ZNF12: variants seen among roughly 807,000 people sequenced by gnomAD.
ZNF12 encodes zinc finger protein 12, also known as gonadotropin inducible transcription repressor 3.
In ZNF12, 34 loss-of-function variants were observed where a neutral mutation model predicts 66.6. The ratio of observed to expected loss-of-function variants is 0.51; its 90% CI spans 0.39 to 0.68. The LOEUF (loss-of-function observed/expected upper bound fraction) is 0.68, where lower values mean the gene tolerates loss of function less well. ZNF12 is among the 30% of genes least tolerant of loss of function. ZNF12 has a pLI of 0.00. For synonymous variants in ZNF12, 320 were observed against 278.9 expected (o/e 1.15, Z -1.47); for missense variants, 697 against 826.9 (o/e 0.84, Z 1.93).
At chr7:6,699,459 G>A (rs571620861) in intron 2 of ZNF12, among the ~76,000 whole-genome samples, 1 of 152,198 alleles carries the variant, frequency 6.6e-6, no homozygotes, top group African/African-American at 2.4e-5. Context: ...TGGGACACAC[G>A]GTGGGGAAAG....
chr7:6,703,847 G>C (rs1409218252), intron 2 of ZNF12, among the ~76,000 whole-genome samples: 1 of 152,234 alleles, frequency 6.6e-6, no homozygotes. Flanking sequence ...ACTGCAGAGT[G>C]GGCCAAGGCA....
rs1305243188 is a variant in ZNF12 at position 6,690,796 on chromosome 7, T to C, written c.*52A>G. The C allele has an allele frequency of 2.8e-5, 42 of 1,495,598 alleles. No individual in the cohort carries two copies. The highest frequency in any genetic ancestry group is 3.6e-5 in the Non-Finnish European group (40 of 1,122,180). 92.6% of individuals were successfully genotyped at this position (1,495,598 alleles called of 1,614,324 possible). A position where few individuals can be genotyped will look rare whatever the true frequency, so the allele number is the denominator to read the frequency against. On this transcript the variant is annotated 3_prime_UTR_variant, in exon 5 of 5. Coordinates refer to ENST00000405858, the MANE Select transcript of ZNF12 (RefSeq NM_016265.4). ...CAAGGTGTTTGACTTCAGGCAGGAGTTTCTGATTCACTATACTGAAAGGGT... is the reference window on the plus strand; with the variant it reads ...CAAGGTGTTTGACTTCAGGCAGGAGCTTCTGATTCACTATACTGAAAGGGT...
Position 6,691,210 on chromosome 7 carries a change from C to T in ZNF12, c.1732G>A (p.Glu578Lys), listed in dbSNP as rs1315745592. Reference sequence around the variant, plus strand: ...AAGGTTTTCCCACATTCACTACATTCATAGGGCTTCTCTCCTGAATGAATT... The same window carrying T: ...AAGGTTTTCCCACATTCACTACATTTATAGGGCTTCTCTCCTGAATGAATT... Reference protein sequence around the residue: ...HRIHSGEKPYECSECGKTFCQ... With the variant: ...HRIHSGEKPYKCSECGKTFCQ... The change falls in exon 5 of 5, where the codon GAA (glutamate) becomes AAA (lysine). Residue 578 changes from glutamate to lysine, a missense_variant. Transcript: ENST00000405858. 2 of 1,614,042 alleles carry T rather than the reference C, an allele frequency of 1.2e-6. No individual in the cohort carries two copies. Among genetic ancestry groups the T allele is most frequent in the Admixed American group, 1.7e-5 (1 of 60,010 alleles).
In ZNF12 at chr7:6,691,261, T is replaced by A. The variant is rs748263300; in HGVS notation, c.1681A>T (p.Met561Leu). The change falls in exon 5 of 5, where the codon ATG becomes TTG. Residue 561 changes from methionine to leucine, a missense_variant. Physicochemically the swap from Met to Leu is conservative, Grantham distance 15. This residue lies in a region of ZNF12 where 401 missense variants were observed against 519.0 expected (regional missense o/e 0.77). Coordinates refer to ENST00000405858, the MANE Select transcript of ZNF12 (RefSeq NM_016265.4). ...CTATGATGTATAGTGAGGTATGACATCTGAGAGAAGAATTTTCCACATATA... is the reference window on the plus strand; with the variant it reads ...CTATGATGTATAGTGAGGTATGACAACTGAGAGAAGAATTTTCCACATATA... ...CYICGKFFSQMSYLTIHHRIH... is the reference protein window; with the variant it reads ...CYICGKFFSQLSYLTIHHRIH... 3 of 1,613,918 alleles carry A rather than the reference T, an allele frequency of 1.9e-6. No individual in the cohort carries two copies. The South Asian group carries it at 3.3e-5, about 18-fold the overall frequency.
chr7:6,699,417 G>GGTA (rs1338783644), intron 2 of ZNF12, among the ~76,000 whole-genome samples: 6 of 152,194 alleles, frequency 3.9e-5, no homozygotes, highest in Non-Finnish European at 8.8e-5. Context: ...GAAGGATGAG[G>GGTA]GTAATCAGGG....
rs1445264390 is a variant in ZNF12 at position 6,706,580 on chromosome 7, G to T, written c.-199C>A. 2 of 460,178 alleles carry T rather than the reference G, an allele frequency of 4.3e-6. No individual in the cohort carries two copies. The highest frequency in any genetic ancestry group is 8.7e-6 in the Non-Finnish European group (2 of 230,358). The allele number at this position is 460,178 out of a possible 1,614,324, so 28.5% of individuals were successfully genotyped here. ...AGAGGGGCCCGGGCCGGGCCTACGG[G>T]ACAAATCCAGGCGGGGCGTCCCTCC... On this transcript the variant is annotated 5_prime_UTR_variant, in exon 1 of 5. Transcript: ENST00000405858.
At position 6,689,143 on chromosome 7, in the gene ZNF12, A is replaced by G. The variant is rs192337626; in HGVS notation, c.*1705T>C. 6.6e-6 allele frequency: 1 copy of G among 152,360 alleles called. No individual in the cohort carries two copies. Among genetic ancestry groups the G allele is most frequent in the East Asian group, 1.9e-4 (1 of 5,186 alleles). 9.4% of individuals were successfully genotyped at this position (152,360 alleles called of 1,614,324 possible). A position where few individuals can be genotyped will look rare whatever the true frequency, so the allele number is the denominator to read the frequency against. ...ATTAGTAATAGAGCATCCTAAATCA[A>G]CTGGCTTAAAAATAAGTTTAGTCTC... On this transcript the variant is annotated 3_prime_UTR_variant, in exon 5 of 5. Coordinates refer to ENST00000405858, the MANE Select transcript of ZNF12 (RefSeq NM_016265.4).
At chr7:6,704,333 G>T (rs1780311361) in intron 2 of ZNF12, 1 of 149,134 alleles carries the variant, frequency 6.7e-6, no homozygotes, top group Non-Finnish European at 1.5e-5. Flanking sequence ...AAAAAGAAAA[G>T]AAAATATTTA....
chr7:6,697,302 C>T lies in ZNF12; in HGVS notation c.238+37G>A. The T allele has an allele frequency of 1.3e-6, 2 of 1,525,158 alleles. No individual in the cohort carries two copies. Among genetic ancestry groups the T allele is most frequent in the Non-Finnish European group, 1.8e-6 (2 of 1,116,754 alleles). 94.5% of individuals were successfully genotyped at this position (1,525,158 alleles called of 1,614,324 possible). A position where few individuals can be genotyped will look rare whatever the true frequency, so the allele number is the denominator to read the frequency against. ...AAAAAATCCCTGGGAAAAACACTCC[C>T]AAGTTACCGATCTCCTCACTGCCTC... On this transcript the variant is annotated intron_variant, in intron 4 of 4. Coordinates refer to ENST00000405858, the MANE Select transcript of ZNF12 (RefSeq NM_016265.4). This position sits in a 1 kb window ranked among gnomAD's most constrained non-coding sequence, Gnocchi z 6.1.
rs1229877433 is a variant in ZNF12, at chr7:6,692,882, C to A, written c.239-179G>T. Among the ~76,000 whole-genome samples, 1 of 149,340 alleles carries A rather than the reference C, an allele frequency of 6.7e-6. No individual in the cohort carries two copies. The highest frequency in any genetic ancestry group is 2.1e-4 in the East Asian group (1 of 4,794). The stretch of plus-strand genomic sequence containing the variant: ...ATGCTTTTGCTTAAAATTACACACA[C>A]ACAAACACACACACACACACACATC... On this transcript the variant is annotated intron_variant, in intron 4 of 4. Coordinates refer to ENST00000405858, the MANE Select transcript of ZNF12 (RefSeq NM_016265.4). The surrounding 1 kb of genome is among the most constrained non-coding windows in gnomAD (Gnocchi z 5.1).
chr7:6,706,129 C>G (rs189838044), intron 1 of ZNF12, among the ~76,000 whole-genome samples: 38 of 152,308 alleles, frequency 2.5e-4, no homozygotes, highest in Admixed American at 1.5e-3. Flanking sequence ...AAGGGGGAAT[C>G]AGCACTTAAA....
intron 2 of ZNF12, among the ~76,000 whole-genome samples, chr7:6,703,373 A>G (rs1207831661): frequency 2.6e-5 from 4 of 152,204 alleles, no homozygotes; most frequent in African/African-American, 9.7e-5. Context: ...AGAGGCCAAA[A>G]AATAAGCTAT....
In ZNF12 at chr7:6,692,743, C is replaced by CTA. The variant is rs746324807; in HGVS notation, c.239-42_239-41dup. ...AATTAATAAACTTTTGTACATCTTC[C>CTA]TATATATATATGATATGGAATGAGA... is the stretch of plus-strand genomic sequence containing the variant. On this transcript the variant is annotated intron_variant, in intron 4 of 4. Coordinates refer to ENST00000405858, the MANE Select transcript of ZNF12 (RefSeq NM_016265.4). The surrounding 1 kb of genome is among the most constrained non-coding windows in gnomAD (Gnocchi z 5.1). 31 of 1,503,014 alleles carry CTA rather than the reference C, an allele frequency of 2.1e-5. No homozygotes were observed. The highest frequency in any genetic ancestry group is 7.0e-5 in the African/African-American group (5 of 71,174). 93.1% of individuals were successfully genotyped at this position (1,503,014 alleles called of 1,614,324 possible). A position where few individuals can be genotyped will look rare whatever the true frequency, so the allele number is the denominator to read the frequency against.
Position 6,706,541 on chromosome 7 carries a change from G to C in ZNF12, c.-160C>G. 2.1e-6 allele frequency: 1 copy of C among 471,508 alleles called. No individual in the cohort carries two copies. The highest frequency in any genetic ancestry group is 4.2e-6 in the Non-Finnish European group (1 of 236,958). 29.2% of individuals were successfully genotyped at this position (471,508 alleles called of 1,614,324 possible). On this transcript the variant is annotated 5_prime_UTR_variant, in exon 1 of 5. Coordinates refer to ENST00000405858, the MANE Select transcript of ZNF12 (RefSeq NM_016265.4). ...GGTCCCTTCCTGTCCACCTCACCAA[G>C]GCCGTTCTGCTCCAGAGGGGCCCGG...
At position 6,706,872 on chromosome 7, in the gene ZNF12, T is replaced by A. The variant is rs1448956685; in HGVS notation, c.-491A>T. On this transcript the variant is annotated 5_prime_UTR_variant, in exon 1 of 5. Coordinates refer to ENST00000405858, the MANE Select transcript of ZNF12 (RefSeq NM_016265.4). ...GCGCCCAGCCCCGCAGGCTCCGCGA[T>A]TCTCGCCCACCGGAGGCCAAAGCCT... is the stretch of plus-strand genomic sequence containing the variant. 1 of 402,000 alleles carries A rather than the reference T, an allele frequency of 2.5e-6. No individual in the cohort carries two copies. The highest frequency in any genetic ancestry group is 4.9e-6 in the Non-Finnish European group (1 of 203,828). The allele number at this position is 402,000 out of a possible 1,614,324, so 24.9% of individuals were successfully genotyped here. A position where few individuals can be genotyped will look rare whatever the true frequency, so the allele number is the denominator to read the frequency against.
At position 6,705,605 on chromosome 7, in the gene ZNF12, G is replaced by A. The variant is rs1342959529; in HGVS notation, c.-50-382C>T. On this transcript the variant is annotated intron_variant, in intron 1 of 4. Coordinates refer to ENST00000405858, the MANE Select transcript of ZNF12 (RefSeq NM_016265.4). The surrounding 1 kb of genome is among the most constrained non-coding windows in gnomAD (Gnocchi z 4.0). ...GTGGTGGCGGGCGCCTGTAACCCCAGCTACTCGGGAGGCTGAGGCAGGAGA... is the reference window on the plus strand; with the variant it reads ...GTGGTGGCGGGCGCCTGTAACCCCAACTACTCGGGAGGCTGAGGCAGGAGA... Among the ~76,000 whole-genome samples the A allele has an allele frequency of 2.6e-5, 4 of 152,156 alleles. No individual in the cohort carries two copies. Among genetic ancestry groups the A allele is most frequent in the Non-Finnish European group, 4.4e-5 (3 of 68,040 alleles).
chr7:6,692,408 A>C lies in ZNF12; in HGVS notation c.534T>G (p.Ile178Met), dbSNP rs759047171. ...CSGCGKSLLH[I>M]KLEKTHPGDQ... ...CTCCTGGATGAGTTTTCTCAAGCTT[A>C]ATATGGAGGAGTGATTTCCCACATC... Residue 178 changes from isoleucine (I) to methionine (M), a missense_variant, in exon 5 of 5, where the codon ATT becomes ATG. By Grantham distance (10) the Ile-to-Met change is conservative (BLOSUM62 1). Coordinates refer to ENST00000405858, the MANE Select transcript of ZNF12 (RefSeq NM_016265.4). This position sits in a 1 kb window ranked among gnomAD's most constrained non-coding sequence, Gnocchi z 5.1. The C allele has an allele frequency of 3.1e-6, 5 of 1,613,176 alleles. No individual in the cohort carries two copies. In the South Asian group the frequency reaches 3.3e-5, roughly 11 times the overall value.
intron 2 of ZNF12, among the ~76,000 whole-genome samples, chr7:6,703,317 T>G (rs1255703646): frequency 6.6e-6 from 1 of 152,084 alleles, no homozygotes; most frequent in Non-Finnish European, 1.5e-5. Context: ...TGCCTGGGCT[T>G]GTGGAGGAAA....
In ZNF12 at chr7:6,706,643, G is replaced by C; in HGVS notation, c.-262C>G. The stretch of plus-strand genomic sequence containing the variant: ...CCGTCTCCCTGGGGCTCACCGTCCT[G>C]CGGAGCCGGGGCCGGGCCGTCGAGG... On this transcript the variant is annotated 5_prime_UTR_variant, in exon 1 of 5. Transcript: ENST00000405858. 1 of 401,316 alleles carries C rather than the reference G, an allele frequency of 2.5e-6. No homozygotes were observed. The highest frequency in any genetic ancestry group is 1.7e-5 in the South Asian group (1 of 57,546). The allele number at this position is 401,316 out of a possible 1,614,324, so 24.9% of individuals were successfully genotyped here.
Sources: gnomAD v4.1 joint callset for allele counts (sites outside exome capture counted in the v4.1 genomes callset) on GRCh38, gnomAD v4.1.1 for gene constraint, gnomAD v4.1.1 regional missense constraint, Gnocchi (gnomAD v3.1) non-coding constraint, MANE v1.5 for transcripts, NCBI Gene and HGNC (gene_info 2026-07-23, HGNC 2026-07-21) for gene names.